ZNF521: variants seen among roughly 807,000 people sequenced by gnomAD.
ZNF521 encodes the protein LYST-interacting protein 3.
A neutral mutation model predicts 105.5 loss-of-function variants in ZNF521; 14 were observed. The ratio of observed to expected loss-of-function variants is 0.13; its 90% confidence interval spans 0.09 to 0.21. The LOEUF is 0.21. ZNF521 is among the 10% of genes least tolerant of loss of function. The pLI is 1.00. For missense variants in ZNF521, 1,233 were observed against 1,629.7 expected (o/e 0.76, Z 4.19); for synonymous variants, 635 against 606.0 (o/e 1.05, Z -0.70).
intron 5 of ZNF521, among the ~76,000 whole-genome samples, chr18:25,104,747 A>G (rs1567963343): frequency 6.6e-6 from 1 of 152,212 alleles, no homozygotes; most frequent in Non-Finnish European, 1.5e-5. Flanking sequence ...CAGTAACAAA[A>G]GTTCTCATCT....
chr18:25,292,113 G>C (rs1911065403), intron 3 of ZNF521, among the ~76,000 whole-genome samples: 1 of 152,012 alleles, frequency 6.6e-6, no homozygotes, highest in Admixed American at 6.6e-5. Flanking sequence ...ATTATTTTTT[G>C]CCCTGGAAAA....
intron 3 of ZNF521, among the ~76,000 whole-genome samples, chr18:25,265,254 T>C (rs1358517773): frequency 6.6e-6 from 1 of 152,188 alleles, no homozygotes; most frequent in Non-Finnish European, 1.5e-5. Context: ...TGTTGACTGT[T>C]GGGAACAACA....
At chr18:25,191,338 C>A (rs1480676768) in intron 5 of ZNF521, among the ~76,000 whole-genome samples, 1 of 152,138 alleles carries the variant, frequency 6.6e-6, no homozygotes, top group Non-Finnish European at 1.5e-5. Flanking sequence ...ACTACTTGTC[C>A]TCCAAAGTCC....
At chr18:25,209,025 C>T (rs2036131151) in intron 4 of ZNF521, among the ~76,000 whole-genome samples, 1 of 152,192 alleles carries the variant, frequency 6.6e-6, no homozygotes, top group East Asian at 1.9e-4. Flanking sequence ...CAGACTTTGT[C>T]AAGTTAGATT....
chr18:25,225,061 G>A lies in ZNF521; in HGVS notation c.2857C>T (p.Leu953=). 1 of 1,614,208 alleles carries A rather than the reference G, an allele frequency of 6.2e-7. No homozygotes were observed. The highest frequency in any genetic ancestry group is 8.5e-7 in the Non-Finnish European group (1 of 1,180,026). The change falls in exon 4 of 8, where the codon CTA becomes TTA. Residue 953 remains leucine, a synonymous_variant. Coordinates refer to ENST00000361524, the MANE Select transcript of ZNF521 (RefSeq NM_015461.3). This position sits in a 1 kb window ranked among gnomAD's most constrained non-coding sequence, Gnocchi z 5.6. ...NGLREHMQTH[L]GPVKHYMCPI... ...CACATGTAGTGTTTGACAGGGCCTA[G>A]GTGGGTCTGCATATGTTCCCGGAGG...
At chr18:25,158,694 C>T (rs540806921) in intron 5 of ZNF521, among the ~76,000 whole-genome samples, 3 of 152,234 alleles carry the variant, frequency 2.0e-5, no homozygotes, top group South Asian at 2.1e-4. Context: ...GTGGCTCACA[C>T]CTGTAATCCC....
chr18:25,164,259 T>A (rs2144533463), intron 5 of ZNF521, among the ~76,000 whole-genome samples: 1 of 152,300 alleles, frequency 6.6e-6, no homozygotes, highest in Middle Eastern at 3.4e-3. Context: ...CGGAGTGGGT[T>A]AACTTGCTTT....
intron 3 of ZNF521, among the ~76,000 whole-genome samples, chr18:25,268,795 G>GA (rs1909440577): frequency 1.3e-5 from 2 of 152,228 alleles, no homozygotes; most frequent in South Asian, 4.1e-4. Context: ...AACATGGAAA[G>GA]AAACAACCGG....
At chr18:25,232,738 C>T (rs1219884604) in intron 3 of ZNF521, among the ~76,000 whole-genome samples, 1 of 152,168 alleles carries the variant, frequency 6.6e-6, no homozygotes, top group Admixed American at 6.5e-5. Context: ...TTATACCTCT[C>T]TTCTCCTTAA....
intron 4 of ZNF521, among the ~76,000 whole-genome samples, chr18:25,207,378 C>G (rs1026920173): frequency 2.0e-5 from 3 of 152,188 alleles, no homozygotes; most frequent in Non-Finnish European, 4.4e-5. Flanking sequence ...GTGATGCTTG[C>G]AACTCATCGG....
At chr18:25,314,815 A>G (rs1222767896) in intron 3 of ZNF521, among the ~76,000 whole-genome samples, 1 of 152,252 alleles carries the variant, frequency 6.6e-6, no homozygotes, top group African/African-American at 2.4e-5. Context: ...TTTGCAAATT[A>G]GCAGGAGAGA....
At chr18:25,223,778 T>A (rs1463103896) in intron 4 of ZNF521, among the ~76,000 whole-genome samples, 1 of 151,996 alleles carries the variant, frequency 6.6e-6, no homozygotes, top group African/African-American at 2.4e-5. Context: ...ATAATGGGCA[T>A]GTGGTGCTTA....
At chr18:25,338,624 C>A (rs1568087025) in intron 2 of ZNF521, among the ~76,000 whole-genome samples, 1 of 152,244 alleles carries the variant, frequency 6.6e-6, no homozygotes, top group South Asian at 2.1e-4. Context: ...GTTGCCCAGG[C>A]CTGTCTCGAA....
chr18:25,237,344 T>A (rs1906971872), intron 3 of ZNF521, among the ~76,000 whole-genome samples: 1 of 152,188 alleles, frequency 6.6e-6, no homozygotes, highest in South Asian at 2.1e-4. Flanking sequence ...TACAATCATG[T>A]CTTAATGAAA....
At chr18:25,193,310 G>C (rs781762436) in intron 5 of ZNF521, among the ~76,000 whole-genome samples, 2 of 152,060 alleles carry the variant, frequency 1.3e-5, no homozygotes, top group Non-Finnish European at 2.9e-5. Flanking sequence ...ATGTGCAAAA[G>C]AGTATTAACA....
At chr18:25,308,193 C>CA (rs756580169) in intron 3 of ZNF521, among the ~76,000 whole-genome samples, 2,708 of 31,048 alleles carry the variant, frequency 0.087, 501 homozygotes, top group African/African-American at 0.22. Flanking sequence ...GACTGCATCT[C>CA]AAAAAAAAAA....
At chr18:25,108,053 G>C in intron 5 of ZNF521, among the ~76,000 whole-genome samples, 1 of 152,216 alleles carries the variant, frequency 6.6e-6, no homozygotes. Flanking sequence ...TTAGAAGTGA[G>C]ATTATTGTCA....
At chr18:25,176,548 T>C (rs1436115408) in intron 5 of ZNF521, among the ~76,000 whole-genome samples, 2 of 152,196 alleles carry the variant, frequency 1.3e-5, no homozygotes, top group Non-Finnish European at 2.9e-5. Flanking sequence ...CCTCCTCTGC[T>C]TACACCAGAA....
chr18:25,238,525 G>C (rs1178897774), intron 3 of ZNF521, among the ~76,000 whole-genome samples: 1 of 152,190 alleles, frequency 6.6e-6, no homozygotes, highest in Non-Finnish European at 1.5e-5. Context: ...GGTCGGATCA[G>C]GTATTGACAA....
Sources: allele counts gnomAD v4.1 joint callset (sites outside exome capture counted in the v4.1 genomes callset), GRCh38; gene constraint gnomAD v4.1.1; non-coding constraint Gnocchi (gnomAD v3.1); transcripts MANE v1.5; gene names NCBI Gene and HGNC (gene_info 2026-07-23, HGNC 2026-07-21).